DGKI: variants seen among roughly 807,000 people sequenced by gnomAD.
DGKI encodes the protein DAG kinase iota.
Under a neutral mutation model 147.5 loss-of-function variants are expected in DGKI, and 55 were observed. The ratio of observed to expected loss-of-function variants is 0.37; its 90% confidence interval spans 0.30 to 0.47. The LOEUF (loss-of-function observed/expected upper bound fraction) is 0.47. Ranked by LOEUF, DGKI falls within the 20% of genes least tolerant of loss-of-function variation. The pLI, the probability that DGKI is intolerant of heterozygous loss-of-function variation, is 1.00. For synonymous variants in DGKI, 469 were observed against 477.1 expected (o/e 0.98, Z 0.22); for missense variants, 1,007 against 1,323.8 (o/e 0.76, Z 3.71).
In DGKI at chr7:137,775,945, G is replaced by A. The variant is rs367735938; in HGVS notation, c.401+70517C>T. Among the ~76,000 whole-genome samples, 5 of 149,288 alleles carry A rather than the reference G, an allele frequency of 3.3e-5. No homozygotes were observed. The South Asian group carries it at 6.4e-4, about 19-fold the overall frequency. On this transcript the variant is annotated intron_variant, in intron 1 of 32. Coordinates refer to ENST00000614521, the MANE Select transcript of DGKI (RefSeq NM_001321708.2). ...GTGATCTCGGCTCACTGCAACCTCC[G>A]CCTCCTGGGTTCAAGCGATTCTCCT...
chr7:137,599,676 G>C, intron 11 of DGKI, 147 bp downstream of exon 11: 2 of 634,856 alleles, frequency 3.2e-6, no homozygotes, highest in Non-Finnish European at 5.4e-6. Context: ...GAGAACTTTG[G>C]ATGAAGTTTT....
intron 1 of DGKI, among the ~76,000 whole-genome samples, chr7:137,702,513 A>G (rs1327714789): frequency 2.0e-5 from 3 of 152,222 alleles, no homozygotes; most frequent in Non-Finnish European, 4.4e-5. Flanking sequence ...TTATTTTTCA[A>G]GAAATCCTGC....
intron 3 of DGKI, among the ~76,000 whole-genome samples, chr7:137,658,428 T>C (rs1585337689): frequency 6.6e-6 from 1 of 152,216 alleles, no homozygotes; most frequent in African/African-American, 2.4e-5. Context: ...CAAAGGAAAC[T>C]GGAGTTGATT....
chr7:137,532,497 T>C (rs936724247), intron 20 of DGKI, among the ~76,000 whole-genome samples: 6 of 152,326 alleles, frequency 3.9e-5, no homozygotes, highest in South Asian at 2.1e-4. Context: ...ATATTTTACC[T>C]GGACAGGTTG....
intron 20 of DGKI, among the ~76,000 whole-genome samples, chr7:137,533,133 T>C (rs1052583457): frequency 6.6e-6 from 1 of 151,848 alleles, no homozygotes; most frequent in Non-Finnish European, 1.5e-5. Context: ...AACTTTTTTT[T>C]AAATAAATAA....
At chr7:137,784,453 T>C (rs1220917638) in intron 1 of DGKI, among the ~76,000 whole-genome samples, 2 of 152,062 alleles carry the variant, frequency 1.3e-5, no homozygotes, top group Non-Finnish European at 2.9e-5. Flanking sequence ...CACCTAACAC[T>C]GGAGCTCCCA....
At chr7:137,636,996 T>C (rs1297633014) in intron 6 of DGKI, among the ~76,000 whole-genome samples, 1 of 152,184 alleles carries the variant, frequency 6.6e-6, no homozygotes, top group Non-Finnish European at 1.5e-5. Flanking sequence ...CCTCTCTTCT[T>C]TATAAACTAC....
At chr7:137,690,105 A>T (rs1563151963) in intron 1 of DGKI, 103 bp from the exon 2 acceptor site, 1 of 700,980 alleles carries the variant, frequency 1.4e-6, no homozygotes, top group East Asian at 3.0e-5. Context: ...TGCCTGAGTT[A>T]GCCTCTTCCA....
rs1563064002 is a variant in DGKI at position 137,517,323 on chromosome 7, G to GAAAGAAAGAAAGAA, written c.2248+4529_2248+4542dup. Among the ~76,000 whole-genome samples, 89 of 99,766 alleles carry GAAAGAAAGAAAGAA rather than the reference G, an allele frequency of 8.9e-4. 1 individual carries two copies. Among genetic ancestry groups the GAAAGAAAGAAAGAA allele is most frequent in the South Asian group, 2.0e-3 (5 of 2,466 alleles). 65.5% of individuals were successfully genotyped at this position (99,766 alleles called of 152,430 possible). A position where few individuals can be genotyped will look rare whatever the true frequency, so the allele number is the denominator to read the frequency against. ...AGAAAGAAAGAAAGAAAGAAAGAAAGAAAGAAAGAAAGAAAGAGAAAGAAA... is the reference window on the plus strand; with the variant it reads ...AGAAAGAAAGAAAGAAAGAAAGAAAGAAAGAAAGAAAGAAAAAGAAAGAAAGAAAGAGAAAGAAA... On this transcript the variant is annotated intron_variant, in intron 21 of 32. Transcript: ENST00000614521.
intron 1 of DGKI, among the ~76,000 whole-genome samples, chr7:137,828,077 T>C (rs968766125): frequency 3.9e-5 from 6 of 152,216 alleles, no homozygotes; most frequent in African/African-American, 7.2e-5. Flanking sequence ...TTTGTATTTA[T>C]CAGCCTGTAG....
Position 137,395,688 on chromosome 7 carries a change from A to G in DGKI, c.2967T>C (p.Thr989=). 3 of 1,613,884 alleles carry G rather than the reference A, an allele frequency of 1.9e-6. No homozygotes were observed. Among genetic ancestry groups the G allele is most frequent in the Non-Finnish European group, 2.5e-6 (3 of 1,179,772 alleles). The change falls in exon 32 of 33, where the codon ACT becomes ACC. Residue 989 remains threonine (T), a synonymous_variant. Coordinates refer to ENST00000614521, the MANE Select transcript of DGKI (RefSeq NM_001321708.2). ...LDMADSETGE[T]ALHKAACQRN... ...GCTGGCAGGCAGCCTTGTGCAGTGC[A>G]GTCTCACCCCTAAATCAAAGATGAA...
intron 15 of DGKI, 35 bp downstream of exon 15, chr7:137,581,815 C>A (rs1406173672): frequency 6.3e-7 from 1 of 1,575,980 alleles, no homozygotes; most frequent in Non-Finnish European, 8.7e-7. Flanking sequence ...TAGAAACTTC[C>A]TCCCTGGGAG....
intron 28 of DGKI, among the ~76,000 whole-genome samples, chr7:137,439,816 C>T (rs1163224516): frequency 6.6e-6 from 1 of 152,184 alleles, no homozygotes; most frequent in Non-Finnish European, 1.5e-5. Context: ...ATGTGACGGC[C>T]ATAGTTGACA....
chr7:137,462,383 G>GA (rs1814479490), intron 27 of DGKI, among the ~76,000 whole-genome samples: 1 of 152,174 alleles, frequency 6.6e-6, no homozygotes, highest in Non-Finnish European at 1.5e-5. Context: ...TAATTAAAAA[G>GA]AAAAATCCAT....
At chr7:137,567,653 T>C (rs1818634787) in intron 19 of DGKI, among the ~76,000 whole-genome samples, 1 of 152,172 alleles carries the variant, frequency 6.6e-6, no homozygotes, top group Non-Finnish European at 1.5e-5. Flanking sequence ...GTAAGTTTTA[T>C]CTGGATTCCG....
intron 21 of DGKI, among the ~76,000 whole-genome samples, chr7:137,496,380 C>A (rs1028462162): frequency 2.6e-5 from 4 of 152,022 alleles, no homozygotes; most frequent in African/African-American, 9.7e-5. Flanking sequence ...AATGGCCATA[C>A]CTCCCAAAGC....
intron 1 of DGKI, among the ~76,000 whole-genome samples, chr7:137,829,629 A>C (rs955714643): frequency 6.6e-6 from 1 of 152,228 alleles, no homozygotes; most frequent in African/African-American, 2.4e-5. Context: ...TTACTTAATT[A>C]GTTTTGGTAG....
At chr7:137,406,930 CAAAA>C (rs3046570) in intron 30 of DGKI, among the ~76,000 whole-genome samples, 6 of 92,552 alleles carry the variant, frequency 6.5e-5, no homozygotes, top group African/African-American at 2.1e-4. Flanking sequence ...TGCTGAATTG[CAAAA>C]AAAAAAAAAA....
chr7:137,424,779 C>G (rs1812721220), intron 28 of DGKI, among the ~76,000 whole-genome samples: 1 of 152,210 alleles, frequency 6.6e-6, no homozygotes, highest in Non-Finnish European at 1.5e-5. Context: ...CGGAATCTCG[C>G]TGATTGCTAG....
Sources: gnomAD v4.1 joint callset for allele counts (sites outside exome capture counted in the v4.1 genomes callset) on GRCh38, gnomAD v4.1.1 for gene constraint, MANE v1.5 for transcripts, NCBI Gene and HGNC (gene_info 2026-07-23, HGNC 2026-07-21) for gene names.